PTPRN2: variants seen among roughly 807,000 people sequenced by gnomAD.
The protein encoded by PTPRN2 is receptor-type tyrosine-protein phosphatase N2.
PTPRN2 carries 74 observed loss-of-function variants against 118.8 expected under a neutral mutation model. The observed-to-expected ratio is 0.62, with a 90% CI of 0.52 to 0.76. The LOEUF is 0.76. Ranked by LOEUF, PTPRN2 falls within the 30% of genes least tolerant of loss-of-function variation. PTPRN2 has a pLI of 0.00. For missense variants in PTPRN2, 1,481 were observed against 1,394.4 expected (o/e 1.06, Z -0.99); for synonymous variants, 641 against 608.0 (o/e 1.05, Z -0.80).
intron 11 of PTPRN2, among the ~76,000 whole-genome samples, chr7:158,016,334 C>T (rs1389462362): frequency 6.6e-6 from 1 of 152,162 alleles, no homozygotes. Context: ...CCCCGCCGGG[C>T]CCACAGCACA....
At chr7:157,649,156 C>T (rs867325823) in intron 14 of PTPRN2, among the ~76,000 whole-genome samples, 17 of 83,536 alleles carry the variant, frequency 2.0e-4, no homozygotes, top group East Asian at 5.1e-4. Context: ...ACCCATCCAG[C>T]GTGCACTGAA....
chr7:158,081,221 T>C, intron 11 of PTPRN2, 77 bp downstream of exon 11: 1 of 1,360,604 alleles, frequency 7.3e-7, no homozygotes, highest in Non-Finnish European at 1.1e-6. Flanking sequence ...GCCCTGGCTG[T>C]GCATGTGCGT....
chr7:158,445,118 C>A (rs1817634460), intron 2 of PTPRN2, among the ~76,000 whole-genome samples: 1 of 152,322 alleles, frequency 6.6e-6, no homozygotes, highest in Admixed American at 6.5e-5. Context: ...AGAGCCTCCT[C>A]CCAGGCATGT....
intron 12 of PTPRN2, among the ~76,000 whole-genome samples, chr7:157,714,019 T>A (rs1461118530): frequency 6.6e-6 from 1 of 152,248 alleles, no homozygotes; most frequent in Admixed American, 6.5e-5. Context: ...AAGAATCACA[T>A]AAATGATACA....
intron 2 of PTPRN2, among the ~76,000 whole-genome samples, chr7:158,482,018 G>A (rs1314036684): frequency 1.3e-5 from 2 of 152,176 alleles, no homozygotes; most frequent in African/African-American, 4.8e-5. Flanking sequence ...CTGCAGATGT[G>A]GTGGGAACAG....
intron 11 of PTPRN2, among the ~76,000 whole-genome samples, chr7:158,072,029 G>GTA (rs1811941205): frequency 1.4e-5 from 2 of 142,476 alleles, no homozygotes; most frequent in Non-Finnish European, 3.1e-5. Context: ...GGTGCTCATG[G>GTA]TGGAGGTGCT....
At chr7:158,112,720 A>G (rs565985247) in intron 9 of PTPRN2, among the ~76,000 whole-genome samples, 1 of 149,546 alleles carries the variant, frequency 6.7e-6, no homozygotes, top group African/African-American at 2.5e-5. Context: ...GCAGAGGTCA[A>G]AGGCCCCAGC....
chr7:158,520,244 G>T (rs189641964), intron 1 of PTPRN2, among the ~76,000 whole-genome samples: 1 of 152,238 alleles, frequency 6.6e-6, no homozygotes, highest in Non-Finnish European at 1.5e-5. Context: ...CTTGAACAAG[G>T]TGCATTGGCA....
At chr7:157,552,090 C>T (rs1202051880) in intron 21 of PTPRN2, among the ~76,000 whole-genome samples, 2 of 150,808 alleles carry the variant, frequency 1.3e-5, no homozygotes, top group East Asian at 2.0e-4. Context: ...CTACAGGAAC[C>T]ATGCACTCTA....
chr7:157,639,076 G>A (rs1203101373), intron 14 of PTPRN2, among the ~76,000 whole-genome samples: 1 of 151,600 alleles, frequency 6.6e-6, no homozygotes, highest in Non-Finnish European at 1.5e-5. Context: ...TTGCTCTGTG[G>A]CCCATGCTGG....
intron 14 of PTPRN2, among the ~76,000 whole-genome samples, chr7:157,631,308 C>T (rs912949308): frequency 1.3e-5 from 2 of 152,166 alleles, no homozygotes; most frequent in Admixed American, 6.5e-5. Flanking sequence ...GAAGTAGCAG[C>T]GGCAGGAACA....
At chr7:158,361,636 C>A (rs555577565) in intron 2 of PTPRN2, among the ~76,000 whole-genome samples, 1 of 152,328 alleles carries the variant, frequency 6.6e-6, no homozygotes, top group African/African-American at 2.4e-5. Context: ...GCCAGCCCTG[C>A]CCTCAGGACA....
chr7:157,747,685 G>A (rs1425023280), intron 12 of PTPRN2, among the ~76,000 whole-genome samples: 1 of 134,090 alleles, frequency 7.5e-6, no homozygotes, highest in African/African-American at 2.8e-5. Context: ...CTGTTGAGGT[G>A]ATTCTGAGGC....
chr7:158,007,945 TG>T (rs1428675663), intron 11 of PTPRN2, among the ~76,000 whole-genome samples: 2 of 150,212 alleles, frequency 1.3e-5, no homozygotes, highest in Non-Finnish European at 3.0e-5. Context: ...CTGTGCTGTG[TG>T]TGGGGGTGTG....
intron 3 of PTPRN2, among the ~76,000 whole-genome samples, chr7:158,238,545 G>A (rs1364876066): frequency 6.6e-6 from 1 of 152,136 alleles, no homozygotes; most frequent in Non-Finnish European, 1.5e-5. Context: ...ATGTTTGTTG[G>A]AACTTATTTT....
At chr7:158,047,454 C>CAAGGCCTGCCTGCAGTCACTGAGCGTGT (rs1808964687) in intron 11 of PTPRN2, among the ~76,000 whole-genome samples, 1 of 152,198 alleles carries the variant, frequency 6.6e-6, no homozygotes, top group African/African-American at 2.4e-5. Context: ...TTGTGCTGTG[C>CAAGGCCTGCCTGCAGTCACTGAGCGTGT]GAGGCCTGCC....
chr7:157,939,195 A>G (rs547469527), intron 11 of PTPRN2, among the ~76,000 whole-genome samples: 1 of 152,234 alleles, frequency 6.6e-6, no homozygotes, highest in Non-Finnish European at 1.5e-5. Context: ...TTACAGTCAG[A>G]TAAAGTTAAG....
intron 9 of PTPRN2, among the ~76,000 whole-genome samples, chr7:158,132,502 C>T (rs1818433030): frequency 6.6e-6 from 1 of 151,836 alleles, no homozygotes; most frequent in African/African-American, 2.4e-5. Flanking sequence ...CATGCACATA[C>T]AGATGCACAC....
intron 11 of PTPRN2, among the ~76,000 whole-genome samples, chr7:158,056,943 A>T (rs778096661): frequency 6.6e-6 from 1 of 152,154 alleles, no homozygotes; most frequent in South Asian, 2.1e-4. Context: ...CAGGCTCACA[A>T]TGTCGCCCTT....
Sources: allele counts gnomAD v4.1 joint callset (sites outside exome capture counted in the v4.1 genomes callset), GRCh38; gene constraint gnomAD v4.1.1; transcripts MANE v1.5; gene names NCBI Gene and HGNC (gene_info 2026-07-23, HGNC 2026-07-21).